RGS8: variants seen among roughly 807,000 people sequenced by gnomAD.
The protein encoded by RGS8 is regulator of G-protein signaling 8.
Under a neutral mutation model 21.7 loss-of-function variants are expected in RGS8, and 8 were observed. The ratio of observed to expected loss-of-function variants is 0.37; its 90% CI spans 0.22 to 0.66. The LOEUF is 0.66. Ranked by LOEUF, RGS8 falls within the 30% of genes least tolerant of loss-of-function variation. The pLI is 0.59. For missense variants in RGS8, 157 were observed against 217.9 expected, an observed-to-expected ratio of 0.72 and a Z score of 1.76; for synonymous variants, 80 against 83.6, an observed-to-expected ratio of 0.96 and a Z score of 0.24.
chr1:182,680,217 A>C (rs1664495800), intron 1 of RGS8, among the ~76,000 whole-genome samples: 1 of 152,112 alleles, frequency 6.6e-6, no homozygotes, highest in African/African-American at 2.4e-5. Context: ...CTCCTACTCT[A>C]GGGATAAAGT....
At chr1:182,743,966 G>A in the RGS8 span, among the ~76,000 whole-genome samples, 1 of 152,094 alleles carries the variant, frequency 6.6e-6, no homozygotes, top group African/African-American at 2.4e-5. Flanking sequence ...CTGAAACTAT[G>A]TTTTTATATG....
At chr1:182,658,377 T>G (rs1663388837) in intron 5 of RGS8, 1 of 152,206 alleles carries the variant, frequency 6.6e-6, no homozygotes, top group African/African-American at 2.4e-5. Context: ...TTCCCAGGCT[T>G]GGAAAAATAC....
intron 1 of RGS8, among the ~76,000 whole-genome samples, chr1:182,682,012 C>G: frequency 6.6e-6 from 1 of 152,176 alleles, no homozygotes; most frequent in East Asian, 1.9e-4. Flanking sequence ...AAATACCCCC[C>G]AGGCACAGAG....
At chr1:182,709,930 T>C in the RGS8 span, among the ~76,000 whole-genome samples, 1 of 152,192 alleles carries the variant, frequency 6.6e-6, no homozygotes, top group South Asian at 2.1e-4. Context: ...CTCTAGATTC[T>C]GGGTTACAGG....
the RGS8 span, among the ~76,000 whole-genome samples, chr1:182,724,201 G>GAGATATAT: frequency 4.7e-5 from 2 of 42,118 alleles, no homozygotes; most frequent in Non-Finnish European, 9.6e-5. Flanking sequence ...GGCTAGACTG[G>GAGATATAT]ATATATATAT....
At chr1:182,705,434 C>T in the RGS8 span, among the ~76,000 whole-genome samples, 1 of 152,222 alleles carries the variant, frequency 6.6e-6, no homozygotes, top group Non-Finnish European at 1.5e-5. Flanking sequence ...CTAATCTCAT[C>T]CAGAACATGC....
chr1:182,713,185 CT>C, the RGS8 span, among the ~76,000 whole-genome samples: 8 of 152,040 alleles, frequency 5.3e-5, no homozygotes, highest in African/African-American at 1.9e-4. Flanking sequence ...ATTTTATCTT[CT>C]TTTTTCTTTT....
At chr1:182,744,721 C>T in the RGS8 span, among the ~76,000 whole-genome samples, 2 of 152,190 alleles carry the variant, frequency 1.3e-5, no homozygotes, top group African/African-American at 4.8e-5. Flanking sequence ...TGGGTAAGTA[C>T]ACAACTTTTT....
chr1:182,664,215 T>G (rs1006204537), intron 5 of RGS8, among the ~76,000 whole-genome samples: 4 of 152,182 alleles, frequency 2.6e-5, no homozygotes, highest in African/African-American at 9.7e-5. Flanking sequence ...TATTAATAAT[T>G]GGCAGCAAAA....
At chr1:182,683,613 C>T (rs1407078085) in intron 1 of RGS8, among the ~76,000 whole-genome samples, 2 of 146,594 alleles carry the variant, frequency 1.4e-5, no homozygotes, top group Non-Finnish European at 3.0e-5. Flanking sequence ...AAGAGCAACC[C>T]TCTTCCCAGT....
At chr1:182,653,817 T>C (rs1205225161) in intron 5 of RGS8, among the ~76,000 whole-genome samples, 2 of 152,226 alleles carry the variant, frequency 1.3e-5, no homozygotes, top group East Asian at 3.8e-4. Context: ...GACAAAATGT[T>C]GCACCCAGGA....
At chr1:182,718,685 G>A in the RGS8 span, among the ~76,000 whole-genome samples, 1 of 152,196 alleles carries the variant, frequency 6.6e-6, no homozygotes, top group Non-Finnish European at 1.5e-5. Context: ...AGAACAATAT[G>A]AGAAAAATGG....
chr1:182,710,905 GC>G, the RGS8 span, among the ~76,000 whole-genome samples: 1 of 152,048 alleles, frequency 6.6e-6, no homozygotes, highest in Non-Finnish European at 1.5e-5. Flanking sequence ...TTTTGTCCCT[GC>G]CCCCTGCAAC....
chr1:182,701,070 C>T, the RGS8 span, among the ~76,000 whole-genome samples: 1 of 152,192 alleles, frequency 6.6e-6, no homozygotes, highest in Non-Finnish European at 1.5e-5. Context: ...TTAAATGTGT[C>T]AAATGTGACA....
intron 3 of RGS8, among the ~76,000 whole-genome samples, chr1:182,668,357 A>C (rs1411496579): frequency 6.6e-6 from 1 of 152,228 alleles, no homozygotes; most frequent in Non-Finnish European, 1.5e-5. Context: ...TAGTCCTAGA[A>C]GATGCCATTC....
the RGS8 span, among the ~76,000 whole-genome samples, chr1:182,739,557 C>G: frequency 6.7e-4 from 102 of 152,142 alleles, 1 homozygote; most frequent in Admixed American, 3.8e-3. Flanking sequence ...TTGTTCATTC[C>G]TTTTCTAAAG....
chr1:182,697,191 A>G, the RGS8 span, among the ~76,000 whole-genome samples: 1 of 152,238 alleles, frequency 6.6e-6, no homozygotes, highest in Non-Finnish European at 1.5e-5. Flanking sequence ...CATGTTATAA[A>G]GGCATGGATA....
chr1:182,666,375 C>T lies in RGS8; in HGVS notation c.129-342G>A, dbSNP rs187359864. Among the ~76,000 whole-genome samples, 9 of 152,302 alleles carry T rather than the reference C, an allele frequency of 5.9e-5. No individual in the cohort carries two copies. The East Asian group carries it at 1.7e-3, about 29-fold the overall frequency. The stretch of plus-strand genomic sequence containing the variant: ...AAAAGTTAGACTCAGCTCCTGACTC[C>T]ATTCCTACTGTCACCTAAATGTCTG... On this transcript the variant is annotated intron_variant, in intron 4 of 6. Transcript: ENST00000483095.
At chr1:182,678,427 G>T (rs1664438571) in intron 1 of RGS8, among the ~76,000 whole-genome samples, 1 of 152,182 alleles carries the variant, frequency 6.6e-6, no homozygotes. Flanking sequence ...TCCATTTTAA[G>T]AAAAGTCTAT....
Sources: allele counts gnomAD v4.1 joint callset (sites outside exome capture counted in the v4.1 genomes callset), GRCh38; gene constraint gnomAD v4.1.1; transcripts MANE v1.5; gene names NCBI Gene and HGNC (gene_info 2026-07-23, HGNC 2026-07-21).